Variants in CAGE1 observed in about 807,000 individuals in gnomAD.
The protein encoded by CAGE1 is cancer-associated gene 1 protein.
A neutral mutation model predicts 94.9 loss-of-function variants in CAGE1; 66 were observed. The observed-to-expected ratio is 0.70, with a 90% confidence interval of 0.57 to 0.85. CAGE1 has a LOEUF of 0.85. CAGE1 is among the 40% of genes least tolerant of loss of function. The probability of loss-of-function intolerance (pLI) is 0.00; values close to 1 mark genes in which losing one functional copy is unlikely to be tolerated. For synonymous variants in CAGE1, 319 were observed against 321.0 expected, an observed-to-expected ratio of 0.99 and a Z score of 0.07; for missense variants, 865 against 950.4, an observed-to-expected ratio of 0.91 and a Z score of 1.18.
At chr6:7,375,140 G>A (rs1353524266) in intron 4 of CAGE1, among the ~76,000 whole-genome samples, 4 of 152,120 alleles carry the variant, frequency 2.6e-5, no homozygotes, top group East Asian at 3.9e-4. Flanking sequence ...GCCGGGTGCA[G>A]TGGCTCATGC....
intron 9 of CAGE1, among the ~76,000 whole-genome samples, chr6:7,361,719 G>A (rs1262403753): frequency 6.6e-6 from 1 of 152,156 alleles, no homozygotes; most frequent in African/African-American, 2.4e-5. Flanking sequence ...AGGAAAATCA[G>A]AACTAGGAAG....
At chr6:7,381,674 G>A (rs541595952) in intron 3 of CAGE1, among the ~76,000 whole-genome samples, 12 of 151,018 alleles carry the variant, frequency 7.9e-5, no homozygotes, top group East Asian at 7.8e-4. Context: ...GAATACAAGC[G>A]TGCACCACCA....
rs1189273237 is a variant in CAGE1 at position 7,328,930 on chromosome 6, A to ATTTT, written c.2478+918_2478+919insAAAA. ...TGTGTGTGTGTGTGTATATATATAT[A>ATTTT]TATATTTTTTTTTTTTTTTGAGATA... On this transcript the variant is annotated intron_variant, in intron 13 of 13. Transcript: ENST00000502583. 6.2e-4 allele frequency among the ~76,000 whole-genome samples: 53 copies of ATTTT among 85,608 alleles called. 5 individuals are homozygous for ATTTT. Among genetic ancestry groups the ATTTT allele is most frequent in the African/African-American group, 2.0e-3 (49 of 24,916 alleles). The allele number at this position is 85,608 out of a possible 152,430, so 56.2% of individuals were successfully genotyped here. A position where few individuals can be genotyped will look rare whatever the true frequency, so the allele number is the denominator to read the frequency against.
chr6:7,387,794 C>T lies in CAGE1; in HGVS notation c.-23-598G>A, dbSNP rs993249615. Among the ~76,000 whole-genome samples the T allele has an allele frequency of 6.1e-5, 9 of 147,384 alleles. No homozygotes were observed. The East Asian group carries it at 8.1e-4, about 13-fold the overall frequency. The stretch of plus-strand genomic sequence containing the variant: ...CAGCACTTTGGGAGGCCGACGCGGG[C>T]GGATCACGAGGTCAGGAGATCGAGA... On this transcript the variant is annotated intron_variant, in intron 1 of 13. Transcript: ENST00000502583.
At chr6:7,356,182 T>C in intron 9 of CAGE1, 53 bp from the exon 10 acceptor site, 1 of 927,856 alleles carries the variant, frequency 1.1e-6, no homozygotes, top group South Asian at 1.5e-5. Flanking sequence ...AGGAAAGCTA[T>C]ATATGGATGC....
chr6:7,355,042 G>T lies in CAGE1; in HGVS notation c.2368C>A (p.His790Asn). 6.3e-7 allele frequency: 1 copy of T among 1,598,556 alleles called. No individual in the cohort carries two copies. Among genetic ancestry groups the T allele is most frequent in the Non-Finnish European group, 8.6e-7 (1 of 1,168,992 alleles). ...RLAISHSQIAHLEERNKHLED... is the reference protein window; with the variant it reads ...RLAISHSQIANLEERNKHLED... ...TAAGGATTCGTTTTTTCAACTTACT[G>T]TGCAATCTGGGAGTGGGATATTGCA... is the stretch of plus-strand genomic sequence containing the variant. The change falls in exon 11 of 14, where the codon CAT (histidine) becomes AAT (asparagine). Residue 790 changes from histidine (H) to asparagine (N), a missense_variant and splice_region_variant. His to Asn is a moderately conservative substitution (Grantham distance 68, BLOSUM62 1). Coordinates refer to ENST00000502583, the MANE Select transcript of CAGE1 (RefSeq NM_001170692.2).
intron 3 of CAGE1, among the ~76,000 whole-genome samples, chr6:7,383,376 T>G (rs1486487402): frequency 1.3e-5 from 2 of 152,220 alleles, no homozygotes; most frequent in Non-Finnish European, 2.9e-5. Flanking sequence ...CATGTGGACT[T>G]TATTTTGTAT....
chr6:7,345,116 G>A (rs1165031204), intron 11 of CAGE1, among the ~76,000 whole-genome samples: 1 of 151,090 alleles, frequency 6.6e-6, no homozygotes, highest in African/African-American at 2.4e-5. Flanking sequence ...GTTGCTGTTT[G>A]CTCTTTAGAT....
intron 3 of CAGE1, among the ~76,000 whole-genome samples, chr6:7,382,701 G>C (rs918725267): frequency 6.6e-6 from 1 of 151,760 alleles, no homozygotes; most frequent in African/African-American, 2.4e-5. Flanking sequence ...CACAAGGTCA[G>C]GGGTTCAAGA....
At chr6:7,383,927 G>A (rs1434080070) in intron 3 of CAGE1, among the ~76,000 whole-genome samples, 1 of 151,018 alleles carries the variant, frequency 6.6e-6, no homozygotes, top group Non-Finnish European at 1.5e-5. Flanking sequence ...TTTTACATTT[G>A]TTGTTGCTAG....
Position 7,369,930 on chromosome 6 carries a change from G to A in CAGE1, c.1882C>T (p.Leu628Phe). ...ATATGTTTTATTACCTGGCATGTGA[G>A]AAGTCCCACCATCAGAGCCAGAAGA... ...HSLLALMVGL[L>F]TCQDIINSDA... The change falls in exon 6 of 14, where the codon CTC (leucine) becomes TTC (phenylalanine). Residue 628 changes from leucine (L) to phenylalanine (F), a missense_variant. Physicochemically the swap from Leu to Phe is conservative, Grantham distance 22 (BLOSUM62 0). Transcript: ENST00000502583. The A allele has an allele frequency of 6.2e-7, 1 of 1,610,714 alleles. No homozygotes were observed. The highest frequency in any genetic ancestry group is 1.1e-5 in the South Asian group (1 of 90,322).
intron 11 of CAGE1, among the ~76,000 whole-genome samples, chr6:7,337,325 G>GAAAAAA (rs58144720): frequency 6.1e-5 from 5 of 81,596 alleles, no homozygotes; most frequent in Non-Finnish European, 1.0e-4. Context: ...AGACTGTCTC[G>GAAAAAA]AAAAAAAAAA....
chr6:7,389,731 C>T lies in CAGE1; in HGVS notation c.-553G>A, dbSNP rs1761273402. The T allele has an allele frequency of 1.8e-6, 1 of 562,254 alleles. No individual in the cohort carries two copies. Among genetic ancestry groups the T allele is most frequent in the South Asian group, 2.1e-5 (1 of 47,966 alleles). The allele number at this position is 562,254 out of a possible 1,614,324, so 34.8% of individuals were successfully genotyped here. A position where few individuals can be genotyped will look rare whatever the true frequency, so the allele number is the denominator to read the frequency against. ...TCCACAGCCCTATACAGCGCGCCAT[C>T]CAGAGAGCTCCGGACTCCCAGCTCG... On this transcript the variant is annotated 5_prime_UTR_variant, in exon 1 of 14. Coordinates refer to ENST00000502583, the MANE Select transcript of CAGE1 (RefSeq NM_001170692.2).
rs575700596 is a variant in CAGE1, at chr6:7,339,275, G to A, written c.2370-5185C>T. 1.4e-4 allele frequency: 225 copies of A among 1,587,492 alleles called. No individual in the cohort carries two copies. In the African/African-American group the frequency reaches 2.8e-3, roughly 19 times the overall value. Reference sequence around the variant, plus strand: ...AAGGCAGAGACTCTGCCTGGGCAATGGCACACAGACCCCTAGTGGCCACCT... The same window carrying A: ...AAGGCAGAGACTCTGCCTGGGCAATAGCACACAGACCCCTAGTGGCCACCT... On this transcript the variant is annotated intron_variant, in intron 11 of 13. Transcript: ENST00000502583. This position sits in a 1 kb window ranked among gnomAD's most constrained non-coding sequence, Gnocchi z 4.7.
chr6:7,358,065 T>TATATAC (rs1561858170), intron 9 of CAGE1, among the ~76,000 whole-genome samples: 13 of 114,094 alleles, frequency 1.1e-4, no homozygotes, highest in African/African-American at 4.5e-4. Context: ...TATATATATA[T>TATATAC]ATATATGCCT....
chr6:7,330,958 C>A (rs1269590483), intron 12 of CAGE1, among the ~76,000 whole-genome samples: 1 of 152,112 alleles, frequency 6.6e-6, no homozygotes, highest in Non-Finnish European at 1.5e-5. Flanking sequence ...GAAAAAAATT[C>A]CATTGTTTCT....
At chr6:7,377,781 T>C (rs1379812945) in intron 4 of CAGE1, among the ~76,000 whole-genome samples, 2 of 152,106 alleles carry the variant, frequency 1.3e-5, no homozygotes, top group African/African-American at 2.4e-5. Context: ...GTATTACTTA[T>C]ACTATTCTTG....
At chr6:7,378,495 T>C (rs914556588) in intron 4 of CAGE1, 122 bp downstream of exon 4, 1 of 737,884 alleles carries the variant, frequency 1.4e-6, no homozygotes. Context: ...CCTTTAATAC[T>C]CCACAGGCTT....
chr6:7,365,703 TTAGAAC>T, intron 8 of CAGE1, 95 bp downstream of exon 8: 1 of 1,345,848 alleles, frequency 7.4e-7, no homozygotes, highest in Non-Finnish European at 1.0e-6. Flanking sequence ...AGTGCAGAAC[TTAGAAC>T]TAGAAGTACT....
Sources: allele counts gnomAD v4.1 joint callset (sites outside exome capture counted in the v4.1 genomes callset), GRCh38; gene constraint gnomAD v4.1.1; non-coding constraint Gnocchi (gnomAD v3.1); transcripts MANE v1.5; gene names NCBI Gene and HGNC (gene_info 2026-07-23, HGNC 2026-07-21).